The following COQ8A variants were observed in gnomAD, a reference collection of about 807,000 sequenced individuals.
The protein encoded by COQ8A is coenzyme Q8A.
Under a neutral mutation model 65.0 loss-of-function variants are expected in COQ8A, and 51 were observed. That is an observed-to-expected ratio of 0.78 (90% CI 0.63 to 0.99). The LOEUF (loss-of-function observed/expected upper bound fraction) is 0.99, where lower values mean the gene tolerates loss of function less well. COQ8A is among the 50% of genes least tolerant of loss of function. The probability of loss-of-function intolerance (pLI) is 0.00; values close to 1 mark genes in which losing one functional copy is unlikely to be tolerated. For missense variants in COQ8A, 940 were observed against 875.0 expected (o/e 1.07, Z -0.94); for synonymous variants, 371 against 353.2 (o/e 1.05, Z -0.57).
At chr1:226,983,439 TG>T in intron 8 of COQ8A, 112 bp from the exon 9 acceptor site, 1 of 988,360 alleles carries the variant, frequency 1.0e-6, no homozygotes, top group Non-Finnish European at 1.6e-6. Flanking sequence ...CTCCAGGGTG[TG>T]GGCTGGGGCC....
intron 4 of COQ8A, 102 bp downstream of exon 4, chr1:226,965,839 G>A (rs767597982): frequency 2.3e-5 from 31 of 1,328,426 alleles, no homozygotes; most frequent in South Asian, 7.2e-5. Context: ...CGGGGAGGGC[G>A]TTGGGGGAGC....
chr1:226,984,431 A>C (rs1368383302), intron 11 of COQ8A, 117 bp from the exon 12 acceptor site: 3 of 1,277,044 alleles, frequency 2.3e-6, no homozygotes, highest in Non-Finnish European at 3.4e-6. Flanking sequence ...ACTGGGAATC[A>C]AACAGTCCCT....
chr1:226,981,346 C>T (rs921519170), intron 5 of COQ8A, among the ~76,000 whole-genome samples: 8 of 152,184 alleles, frequency 5.3e-5, no homozygotes, highest in Non-Finnish European at 1.2e-4. Flanking sequence ...TCCTGAGTCG[C>T]GGCCCTCAGC....
At chr1:226,940,483 C>T (rs1447581829) in intron 1 of COQ8A, 84 bp downstream of exon 1, 1 of 152,270 alleles carries the variant, frequency 6.6e-6, no homozygotes, top group Non-Finnish European at 1.5e-5. Context: ...CACCTCAGCC[C>T]TTCTTGCATT....
In COQ8A at chr1:226,972,075, TG is replaced by T. The variant is rs1658940642; in HGVS notation, c.656-5373del. On this transcript the variant is annotated intron_variant, in intron 4 of 14. Transcript: ENST00000366777. This position sits in a 1 kb window ranked among gnomAD's most constrained non-coding sequence, Gnocchi z 4.3. ...TTCAGTCTTGCAGGTTTAGAGGAGA[TG>T]ACTTATCTCCTCTGTACCTATACAT... Among the ~76,000 whole-genome samples the T allele has an allele frequency of 6.6e-6, 1 of 152,182 alleles. No homozygotes were observed. The highest frequency in any genetic ancestry group is 1.5e-5 in the Non-Finnish European group (1 of 68,036).
intron 1 of COQ8A, among the ~76,000 whole-genome samples, chr1:226,955,750 A>T (rs1385832849): frequency 9.8e-6 from 1 of 102,412 alleles, no homozygotes; most frequent in Admixed American, 9.6e-5. Flanking sequence ...TCCCTGGTTC[A>T]CACTCTCCCT....
chr1:226,942,434 A>ATT (rs1656763677), intron 1 of COQ8A, among the ~76,000 whole-genome samples: 1 of 152,090 alleles, frequency 6.6e-6, no homozygotes, highest in African/African-American at 2.4e-5. Flanking sequence ...GTGCTGGAGA[A>ATT]TTAGAAGACT....
intron 5 of COQ8A, among the ~76,000 whole-genome samples, chr1:226,981,755 A>G (rs966249866): frequency 2.6e-5 from 4 of 152,172 alleles, no homozygotes; most frequent in African/African-American, 4.8e-5. Context: ...CCCATATGGA[A>G]GGGAGAGGCC....
chr1:226,966,934 G>A (rs1658606135), intron 4 of COQ8A, among the ~76,000 whole-genome samples: 2 of 152,150 alleles, frequency 1.3e-5, no homozygotes, highest in Admixed American at 1.3e-4. Flanking sequence ...TGGTTAACTG[G>A]ATAGAATTTT....
rs1657077431 is a variant in COQ8A, at chr1:226,946,894, C to T, written c.-10+6495C>T. On this transcript the variant is annotated intron_variant, in intron 1 of 14. Coordinates refer to ENST00000366777, the MANE Select transcript of COQ8A (RefSeq NM_020247.5). The surrounding 1 kb of genome is among the most constrained non-coding windows in gnomAD (Gnocchi z 5.3). ...CTCCTAGCTCTTGCACACCCAGAGG[C>T]AGTCTTCAGTGTAGGGCGTCTGCCT... Among the ~76,000 whole-genome samples, 1 of 151,974 alleles carries T rather than the reference C, an allele frequency of 6.6e-6. No homozygotes were observed. Among genetic ancestry groups the T allele is most frequent in the African/African-American group, 2.4e-5 (1 of 41,332 alleles).
chr1:226,986,906 G>T lies in COQ8A; in HGVS notation c.*169G>T, dbSNP rs1660154369. Reference sequence around the variant, plus strand: ...TTTCCACGGTTTCTGTTGCTAAATGGTTGTAGGGTGAGAAGTGCAAGAATG... The same window carrying T: ...TTTCCACGGTTTCTGTTGCTAAATGTTTGTAGGGTGAGAAGTGCAAGAATG... On this transcript the variant is annotated 3_prime_UTR_variant, in exon 15 of 15. Transcript: ENST00000366777. 2.5e-6 allele frequency: 2 copies of T among 796,012 alleles called. No homozygotes were observed. The highest frequency in any genetic ancestry group is 4.0e-6 in the Non-Finnish European group (2 of 501,034). 49.3% of individuals were successfully genotyped at this position (796,012 alleles called of 1,614,324 possible).
chr1:226,956,663 C>G (rs1657784631), intron 1 of COQ8A, among the ~76,000 whole-genome samples: 1 of 104,794 alleles, frequency 9.5e-6, no homozygotes, highest in African/African-American at 4.0e-5. Flanking sequence ...CCCTGGCTGC[C>G]ACTCCCTGGT....
intron 1 of COQ8A, among the ~76,000 whole-genome samples, chr1:226,941,604 C>T (rs923618313): frequency 6.7e-6 from 1 of 149,074 alleles, no homozygotes; most frequent in Non-Finnish European, 1.5e-5. Flanking sequence ...CCGTCTCTAC[C>T]GAAAAAAAAA....
intron 12 of COQ8A, 86 bp from the exon 13 acceptor site, chr1:226,984,790 G>A: frequency 6.6e-7 from 1 of 1,504,918 alleles, no homozygotes; most frequent in Non-Finnish European, 9.2e-7. Context: ...GATCCTCACT[G>A]CCCTCTGTTG....
intron 2 of COQ8A, among the ~76,000 whole-genome samples, chr1:226,963,666 G>A (rs1043584689): frequency 5.9e-5 from 9 of 151,756 alleles, no homozygotes; most frequent in Admixed American, 3.9e-4. Flanking sequence ...GTGCAGTGGC[G>A]CAATCTCTGC....
In COQ8A at chr1:226,981,885, A is replaced by G. The variant is rs564513567; in HGVS notation, c.731-142A>G. The G allele has an allele frequency of 8.5e-6, 11 of 1,286,946 alleles. No homozygotes were observed. In the South Asian group the frequency reaches 1.5e-4, roughly 17 times the overall value. 79.7% of individuals were successfully genotyped at this position (1,286,946 alleles called of 1,614,324 possible). A position where few individuals can be genotyped will look rare whatever the true frequency, so the allele number is the denominator to read the frequency against. On this transcript the variant is annotated intron_variant, in intron 5 of 14. Coordinates refer to ENST00000366777, the MANE Select transcript of COQ8A (RefSeq NM_020247.5). ...ACAGGCTTGGGGAGGTGGACATGGA[A>G]CAGTAGTTAGTTATGTTGCTGGTTT...
At chr1:226,966,546 G>A (rs1658578692) in intron 4 of COQ8A, among the ~76,000 whole-genome samples, 1 of 152,186 alleles carries the variant, frequency 6.6e-6, no homozygotes. Context: ...TATAATTAAT[G>A]GAAGCCACAG....
chr1:226,954,949 G>A (rs1172740448), intron 1 of COQ8A, among the ~76,000 whole-genome samples: 1 of 152,162 alleles, frequency 6.6e-6, no homozygotes, highest in East Asian at 1.9e-4. Context: ...AAGAGGTGAT[G>A]TTGGTGCTGA....
rs374691420 is a variant in COQ8A, at chr1:226,982,162, G to A, written c.853+13G>A. On this transcript the variant is annotated intron_variant, in intron 6 of 14. Coordinates refer to ENST00000366777, the MANE Select transcript of COQ8A (RefSeq NM_020247.5). ...CTGAGCATCCAGGGTGAGTGGGCGC[G>A]GGGGCTGCTGCCCCGGGACTGCGTG... The A allele has an allele frequency of 5.7e-5, 89 of 1,566,514 alleles. No individual in the cohort carries two copies. Among genetic ancestry groups the A allele is most frequent in the African/African-American group, 1.5e-4 (11 of 73,528 alleles).
Sources: gnomAD v4.1 joint callset for allele counts (sites outside exome capture counted in the v4.1 genomes callset) on GRCh38, gnomAD v4.1.1 for gene constraint, Gnocchi (gnomAD v3.1) non-coding constraint, MANE v1.5 for transcripts, NCBI Gene and HGNC (gene_info 2026-07-23, HGNC 2026-07-21) for gene names.